The following ARID3A variants were observed in gnomAD, a reference collection of about 807,000 sequenced individuals.
ARID3A encodes AT-rich interactive domain-containing protein 3A.
In ARID3A, 11 loss-of-function variants were observed where a neutral mutation model predicts 52.7. The observed-to-expected ratio is 0.21, with a 90% CI of 0.13 to 0.35. The LOEUF is 0.35. Among genes scored for constraint, ARID3A ranks in the 10% least tolerant of loss-of-function variants. The pLI, the probability that ARID3A is intolerant of heterozygous loss-of-function variation, is 1.00. For missense variants in ARID3A, 721 were observed against 838.5 expected (o/e 0.86, Z 1.73); for synonymous variants, 404 against 359.4 (o/e 1.12, Z -1.40).
At chr19:940,666 C>T (rs1370854259) in intron 3 of ARID3A, among the ~76,000 whole-genome samples, 4 of 152,122 alleles carry the variant, frequency 2.6e-5, no homozygotes, top group Non-Finnish European at 4.4e-5. Context: ...GCAGCAGGTT[C>T]CGAGCACACA....
intron 3 of ARID3A, among the ~76,000 whole-genome samples, chr19:935,190 G>A (rs990644904): frequency 7.2e-5 from 11 of 152,340 alleles, no homozygotes; most frequent in African/African-American, 2.2e-4. Flanking sequence ...GCTAACTTCC[G>A]CCTGCAAATC....
At chr19:970,243 G>A (rs943971643) in intron 8 of ARID3A, among the ~76,000 whole-genome samples, 2 of 151,910 alleles carry the variant, frequency 1.3e-5, no homozygotes, top group Non-Finnish European at 2.9e-5. Flanking sequence ...AACCCGGGAG[G>A]CGAAGGTTGC....
At chr19:933,595 G>A (rs1411649794) in intron 3 of ARID3A, among the ~76,000 whole-genome samples, 1 of 152,166 alleles carries the variant, frequency 6.6e-6, no homozygotes, top group Non-Finnish European at 1.5e-5. Context: ...CCTGCCTCGG[G>A]GCAGCCCCTT....
At chr19:939,815 C>T (rs555029583) in intron 3 of ARID3A, among the ~76,000 whole-genome samples, 9 of 152,148 alleles carry the variant, frequency 5.9e-5, no homozygotes, top group South Asian at 2.1e-4. Flanking sequence ...ATCTTCGGGG[C>T]GTGAGAGTTG....
chr19:946,243 T>G (rs2037677047), intron 3 of ARID3A, among the ~76,000 whole-genome samples: 1 of 151,898 alleles, frequency 6.6e-6, no homozygotes, highest in Non-Finnish European at 1.5e-5. Context: ...TACTTTTACT[T>G]TTTCCTTTTT....
chr19:936,240 A>G (rs73507568), intron 3 of ARID3A, among the ~76,000 whole-genome samples: 13,737 of 152,314 alleles, frequency 0.09, 676 homozygotes, highest in African/African-American at 0.13. Flanking sequence ...TTCATATGCC[A>G]TACAATTCAC....
rs746830839 is a variant in ARID3A at position 966,888 on chromosome 19, A to G, written c.1495+20A>G. The G allele has an allele frequency of 6.3e-7, 1 of 1,583,918 alleles. No homozygotes were observed. Among genetic ancestry groups the G allele is most frequent in the East Asian group, 2.3e-5 (1 of 44,320 alleles). ...GCCAAGGTACTGCCCTCGTGCCCAGACCCGCTGTGCTTCCTGCGTGTGTCA... is the reference window on the plus strand; with the variant it reads ...GCCAAGGTACTGCCCTCGTGCCCAGGCCCGCTGTGCTTCCTGCGTGTGTCA... On this transcript the variant is annotated intron_variant, in intron 7 of 8. Coordinates refer to ENST00000263620, the MANE Select transcript of ARID3A (RefSeq NM_005224.3).
At chr19:940,293 G>A (rs544253647) in intron 3 of ARID3A, among the ~76,000 whole-genome samples, 100 of 152,150 alleles carry the variant, frequency 6.6e-4, no homozygotes, top group Admixed American at 1.8e-3. Context: ...GATACCTGAT[G>A]AGCCAAAAAA....
At chr19:927,154 C>T (rs867366799) in intron 1 of ARID3A, among the ~76,000 whole-genome samples, 1 of 152,104 alleles carries the variant, frequency 6.6e-6, no homozygotes, top group Non-Finnish European at 1.5e-5. Context: ...CCGCGCCGAG[C>T]GGGTGACCTC....
intron 1 of ARID3A, chr19:928,131 G>GTAAA (rs936402394): frequency 6.6e-6 from 1 of 152,240 alleles, no homozygotes; most frequent in Admixed American, 6.6e-5. Context: ...TGAGTCTTGG[G>GTAAA]GGCTCCTTTG....
chr19:928,914 G>T (rs924878063), intron 1 of ARID3A: 2 of 152,230 alleles, frequency 1.3e-5, no homozygotes, highest in Non-Finnish European at 2.9e-5. Flanking sequence ...CTCAGGCAGC[G>T]ACTGGAACTT....
At chr19:971,553 G>A in intron 8 of ARID3A, among the ~76,000 whole-genome samples, 1 of 152,178 alleles carries the variant, frequency 6.6e-6, no homozygotes, top group East Asian at 1.9e-4. Flanking sequence ...GGTGGAGGTT[G>A]CAGTGAGCCA....
At position 932,678 on chromosome 19, in the gene ARID3A, A is replaced by G; in HGVS notation, c.629A>G (p.His210Arg). 1 of 1,546,174 alleles carries G rather than the reference A, an allele frequency of 6.5e-7. No individual in the cohort carries two copies. The highest frequency in any genetic ancestry group is 8.7e-7 in the Non-Finnish European group (1 of 1,146,144). ...CCTGCCCACCCCGGAGGGGCCGCCC[A>G]CGTAGCCCCGCAGCTGCAGCCGCCT... is the stretch of plus-strand genomic sequence containing the variant. The part of the protein sequence containing the change: ...PGPAHPGGAA[H>R]VAPQLQPPDH... Residue 210 changes from histidine (H) to arginine (R), a missense_variant, in exon 3 of 9, where the codon CAC becomes CGC. Transcript: ENST00000263620.
chr19:929,892 G>C lies in ARID3A; in HGVS notation c.364G>C (p.Asp122His). Residue 122 changes from aspartate to histidine, a missense_variant, in exon 2 of 9, where the codon GAC becomes CAC. By Grantham distance (81) the Asp-to-His change is moderately conservative (BLOSUM62 -1). Transcript: ENST00000263620. This position sits in a 1 kb window ranked among gnomAD's most constrained non-coding sequence, Gnocchi z 6.2. Reference protein sequence around the residue: ...EHFEDMASDEDMKPKWEEEEM... With the variant: ...EHFEDMASDEHMKPKWEEEEM... ...CTTTGAGGACATGGCCTCCGACGAG[G>C]ACATGTGAGTTGGGGTCTGGGGCAG... The C allele has an allele frequency of 6.5e-7, 1 of 1,540,858 alleles. No homozygotes were observed. Among genetic ancestry groups the C allele is most frequent in the Non-Finnish European group, 8.7e-7 (1 of 1,146,832 alleles).
At chr19:934,886 G>C (rs1056077447) in intron 3 of ARID3A, among the ~76,000 whole-genome samples, 1 of 152,222 alleles carries the variant, frequency 6.6e-6, no homozygotes. Flanking sequence ...GGGATTACAG[G>C]CCTGAGCCAC....
At chr19:970,046 A>C (rs904745617) in intron 8 of ARID3A, among the ~76,000 whole-genome samples, 3 of 152,028 alleles carry the variant, frequency 2.0e-5, no homozygotes, top group Non-Finnish European at 2.9e-5. Context: ...CGGGCACAGT[A>C]GGTCACACCT....
At chr19:968,383 T>G (rs2038207901) in intron 7 of ARID3A, 22 bp from the exon 8 acceptor site, 6 of 1,589,870 alleles carry the variant, frequency 3.8e-6, no homozygotes, top group Non-Finnish European at 5.1e-6. Flanking sequence ...AAAAAGAAAC[T>G]AATTTGTTCT....
chr19:964,721 A>G lies in ARID3A; in HGVS notation c.951-112A>G. 17 of 1,475,538 alleles carry G rather than the reference A, an allele frequency of 1.2e-5. No individual in the cohort carries two copies. Among genetic ancestry groups the G allele is most frequent in the East Asian group, 2.4e-5 (1 of 41,264 alleles). The allele number at this position is 1,475,538 out of a possible 1,614,324, so 91.4% of individuals were successfully genotyped here. ...GCTCTGGGGGCTGCTGAGCAAGTCC[A>G]AGGGAAGAACCAGGGATGGTGGTGC... On this transcript the variant is annotated intron_variant, in intron 5 of 8. Transcript: ENST00000263620. The surrounding 1 kb of genome is among the most constrained non-coding windows in gnomAD (Gnocchi z 5.7).
At position 974,711 on chromosome 19, in the gene ARID3A, G is replaced by A. The variant is rs977006671; in HGVS notation, c.*2646G>A. 1.4e-4 allele frequency: 32 copies of A among 231,530 alleles called. No individual in the cohort carries two copies. Among genetic ancestry groups the A allele is most frequent in the East Asian group, 6.1e-4 (10 of 16,410 alleles). 14.3% of individuals were successfully genotyped at this position (231,530 alleles called of 1,614,324 possible). A position where few individuals can be genotyped will look rare whatever the true frequency, so the allele number is the denominator to read the frequency against. On this transcript the variant is annotated 3_prime_UTR_variant, in exon 9 of 9. Coordinates refer to ENST00000263620, the MANE Select transcript of ARID3A (RefSeq NM_005224.3). ...GCCTGGGGAGGGGCCGTGCAGGGTCGAGGGCTGGGTCGTCTCCCTCGGGCT... is the reference window on the plus strand; with the variant it reads ...GCCTGGGGAGGGGCCGTGCAGGGTCAAGGGCTGGGTCGTCTCCCTCGGGCT...
Sources: gnomAD v4.1 joint callset for allele counts (sites outside exome capture counted in the v4.1 genomes callset) on GRCh38, gnomAD v4.1.1 for gene constraint, Gnocchi (gnomAD v3.1) non-coding constraint, MANE v1.5 for transcripts, NCBI Gene and HGNC (gene_info 2026-07-23, HGNC 2026-07-21) for gene names.